The following BANP variants were observed in gnomAD, a reference collection of about 807,000 sequenced individuals.
The protein encoded by BANP is BTG3 associated nuclear protein, also known as protein BANP.
A neutral mutation model predicts 68.1 loss-of-function variants in BANP; 11 were observed. That is an observed-to-expected ratio of 0.16 (90% CI 0.10 to 0.27). The LOEUF (loss-of-function observed/expected upper bound fraction) is 0.27, where lower values mean the gene tolerates loss of function less well. BANP is among the 10% of genes least tolerant of loss of function. The probability of loss-of-function intolerance (pLI) is 1.00; values close to 1 mark genes in which losing one functional copy is unlikely to be tolerated. For missense variants in BANP, 504 were observed against 722.7 expected (o/e 0.70, Z 3.47); for synonymous variants, 329 against 303.2 (o/e 1.09, Z -0.88).
chr16:88,053,000 C>T (rs2083659564), intron 11 of BANP, among the ~76,000 whole-genome samples: 1 of 151,470 alleles, frequency 6.6e-6, no homozygotes, highest in African/African-American at 2.4e-5. Flanking sequence ...CTACCACTAC[C>T]ATCTCCATCA....
intron 1 of BANP, among the ~76,000 whole-genome samples, chr16:87,962,626 T>C (rs1408090506): frequency 6.6e-6 from 1 of 152,184 alleles, no homozygotes; most frequent in Non-Finnish European, 1.5e-5. Context: ...TTTGACCACT[T>C]ACTTACAAAT....
upstream of BANP, chr16:87,951,346 G>C (rs2056801786): frequency 6.6e-6 from 1 of 152,112 alleles, no homozygotes; most frequent in South Asian, 2.1e-4. Flanking sequence ...TGCCACAGGG[G>C]TGCCCCGCCC....
intron 7 of BANP, among the ~76,000 whole-genome samples, chr16:88,022,581 G>C (rs2076230601): frequency 6.6e-6 from 1 of 152,208 alleles, no homozygotes; most frequent in Non-Finnish European, 1.5e-5. Flanking sequence ...GTGCGACCTG[G>C]CCCCGTTGTG....
intron 4 of BANP, among the ~76,000 whole-genome samples, chr16:87,996,187 T>A (rs1348595795): frequency 6.6e-6 from 1 of 152,148 alleles, no homozygotes; most frequent in Non-Finnish European, 1.5e-5. Flanking sequence ...CCACTGTAGA[T>A]CAGGTGGCTC....
chr16:88,059,521 C>T (rs2086113349), intron 11 of BANP, among the ~76,000 whole-genome samples: 1 of 152,090 alleles, frequency 6.6e-6, no homozygotes. Flanking sequence ...TATTGAGTTG[C>T]TTTTTAAGGG....
chr16:88,047,345 T>G (rs1032905393), intron 11 of BANP, among the ~76,000 whole-genome samples: 1 of 152,144 alleles, frequency 6.6e-6, no homozygotes, highest in Non-Finnish European at 1.5e-5. Flanking sequence ...TCCCCACATC[T>G]CCGTTAGGTA....
intron 7 of BANP, among the ~76,000 whole-genome samples, chr16:88,019,702 C>G (rs1285634112): frequency 6.8e-5 from 6 of 88,788 alleles, no homozygotes; most frequent in African/African-American, 2.9e-4. Flanking sequence ...GGGATCTCAG[C>G]GTGCGGGGGG....
intron 4 of BANP, among the ~76,000 whole-genome samples, chr16:87,984,748 C>G (rs908315905): frequency 6.6e-6 from 1 of 152,158 alleles, no homozygotes; most frequent in Non-Finnish European, 1.5e-5. Context: ...TTGAGTAGAA[C>G]CTTTATGATG....
At chr16:87,952,458 C>T (rs1012862508) in intron 1 of BANP, 13 of 152,212 alleles carry the variant, frequency 8.5e-5, no homozygotes, top group Non-Finnish European at 1.9e-4. Flanking sequence ...CAGGAATGTA[C>T]TCCAGGGCCT....
At chr16:87,994,023 G>A (rs183757477) in intron 4 of BANP, among the ~76,000 whole-genome samples, 16 of 152,124 alleles carry the variant, frequency 1.1e-4, no homozygotes, top group Non-Finnish European at 1.6e-4. Flanking sequence ...ACCAGGATGC[G>A]GTGTTTGGAG....
Position 88,033,175 on chromosome 16 carries a change from T to C in BANP, c.1130T>C (p.Leu377Pro). The C allele has an allele frequency of 6.2e-7, 1 of 1,611,744 alleles. No individual in the cohort carries two copies. The highest frequency in any genetic ancestry group is 8.5e-7 in the Non-Finnish European group (1 of 1,178,242). The change falls in exon 9 of 14, where the codon CTG becomes CCG. Residue 377 changes from leucine to proline, a missense_variant. Coordinates refer to ENST00000682872, the MANE Select transcript of BANP (RefSeq NM_001386991.1). ...LPQPQPQPQA[L>P]HYALANAQQV... is the part of the protein sequence containing the mutation. ...CAGCCACAGCCGCAGCCGCAGGCCC[T>C]GCACTACGCGCTGGCCAACGCACAG...
rs141085594 is a variant in BANP, at chr16:88,003,591, T to C, written c.363-704T>C. 3.1e-4 allele frequency: 139 copies of C among 454,824 alleles called. No individual in the cohort carries two copies. The East Asian group carries it at 7.9e-3, about 26-fold the overall frequency. 28.2% of individuals were successfully genotyped at this position (454,824 alleles called of 1,614,324 possible). On this transcript the variant is annotated intron_variant, in intron 4 of 13. Transcript: ENST00000682872. This position sits in a 1 kb window ranked among gnomAD's most constrained non-coding sequence, Gnocchi z 6.1. ...GAGTCTGTACTTTGAGATGAAGCTG[T>C]GTTAGCTGCCGCCTGTCTGAACACA...
At chr16:87,980,216 C>T (rs757216211) in intron 2 of BANP, among the ~76,000 whole-genome samples, 1 of 152,194 alleles carries the variant, frequency 6.6e-6, no homozygotes, top group Non-Finnish European at 1.5e-5. Context: ...CCTTGAACTT[C>T]TATCTATAAC....
At chr16:88,040,006 C>T (rs371166528) in intron 11 of BANP, among the ~76,000 whole-genome samples, 18 of 152,106 alleles carry the variant, frequency 1.2e-4, no homozygotes, top group Non-Finnish European at 2.2e-4. Context: ...TGTTTTTGTC[C>T]GCCTTGTGAA....
At chr16:88,073,177 C>T (rs2090785222) in intron 13 of BANP, among the ~76,000 whole-genome samples, 1 of 152,242 alleles carries the variant, frequency 6.6e-6, no homozygotes, top group Non-Finnish European at 1.5e-5. Context: ...CTCGGTAGAG[C>T]TCACGCTCAC....
intron 2 of BANP, among the ~76,000 whole-genome samples, chr16:87,977,366 C>G (rs991924271): frequency 5.3e-5 from 8 of 151,784 alleles, no homozygotes; most frequent in African/African-American, 1.9e-4. Context: ...TTGCAGTGAG[C>G]TGAGATCGCG....
chr16:88,005,978 G>A (rs756580128), intron 5 of BANP, 112 bp from the exon 6 acceptor site: 226 of 1,296,766 alleles, frequency 1.7e-4, no homozygotes, highest in Middle Eastern at 1.6e-3. Flanking sequence ...GGAAGGCTGT[G>A]TGATCCACTG....
intron 11 of BANP, among the ~76,000 whole-genome samples, chr16:88,045,387 C>A (rs928971741): frequency 1.3e-5 from 2 of 152,238 alleles, no homozygotes; most frequent in African/African-American, 4.8e-5. Flanking sequence ...TTGAGCGTTT[C>A]TTGCAGGAGA....
chr16:87,959,272 A>T (rs1230925252), intron 1 of BANP, among the ~76,000 whole-genome samples: 1 of 152,194 alleles, frequency 6.6e-6, no homozygotes, highest in Non-Finnish European at 1.5e-5. Context: ...CTCATCATGA[A>T]ATATTGTTCT....
Sources: gnomAD v4.1 joint callset for allele counts (sites outside exome capture counted in the v4.1 genomes callset) on GRCh38, gnomAD v4.1.1 for gene constraint, Gnocchi (gnomAD v3.1) non-coding constraint, MANE v1.5 for transcripts, NCBI Gene and HGNC (gene_info 2026-07-23, HGNC 2026-07-21) for gene names.